PKHD1: variants seen among roughly 807,000 people sequenced by gnomAD.
The protein encoded by PKHD1 is fibrocystin.
Under a neutral mutation model 412.0 loss-of-function variants are expected in PKHD1, and 291 were observed. The observed-to-expected ratio is 0.71, with a 90% confidence interval of 0.64 to 0.78. The LOEUF is 0.78. Among genes scored for constraint, PKHD1 ranks in the 30% least tolerant of loss-of-function variants. PKHD1 has a pLI of 0.00. For missense variants in PKHD1, 4,825 were observed against 4,950.7 expected (o/e 0.97, Z 0.76); for synonymous variants, 1,777 against 1,821.5 (o/e 0.98, Z 0.62).
chr6:52,009,172 G>A (rs1031327069), intron 35 of PKHD1, among the ~76,000 whole-genome samples: 15 of 152,172 alleles, frequency 9.9e-5, no homozygotes, highest in African/African-American at 3.6e-4. Context: ...TGGGGGACAC[G>A]ATGAAGCGAG....
chr6:51,715,633 T>C (rs1162609744), intron 60 of PKHD1, among the ~76,000 whole-genome samples: 1 of 152,190 alleles, frequency 6.6e-6, no homozygotes, highest in South Asian at 2.1e-4. Context: ...CTTTGTCTTT[T>C]TGTATCTTCA....
chr6:51,827,071 T>C (rs1767437034), intron 52 of PKHD1, among the ~76,000 whole-genome samples: 1 of 152,188 alleles, frequency 6.6e-6, no homozygotes, highest in Non-Finnish European at 1.5e-5. Context: ...ATCACTTAAA[T>C]CTTTTTTACC....
chr6:51,917,663 C>T (rs923033719), intron 37 of PKHD1, among the ~76,000 whole-genome samples: 4 of 151,996 alleles, frequency 2.6e-5, no homozygotes, highest in Non-Finnish European at 2.9e-5. Context: ...CCCTAGGCAA[C>T]GACAATGATG....
intron 63 of PKHD1, among the ~76,000 whole-genome samples, chr6:51,642,317 T>C (rs963780575): frequency 6.6e-6 from 1 of 152,058 alleles, no homozygotes; most frequent in Non-Finnish European, 1.5e-5. Flanking sequence ...TGTGGCAAGG[T>C]ACAGAATATA....
At chr6:51,762,855 T>A (rs969148107) in intron 55 of PKHD1, among the ~76,000 whole-genome samples, 1 of 152,062 alleles carries the variant, frequency 6.6e-6, no homozygotes, top group African/African-American at 2.4e-5. Context: ...ACTTGCCAGA[T>A]TTGCTAATGT....
intron 52 of PKHD1, among the ~76,000 whole-genome samples, chr6:51,822,994 A>C (rs1432251769): frequency 6.6e-6 from 1 of 152,188 alleles, no homozygotes; most frequent in African/African-American, 2.4e-5. Context: ...TATACTTGAA[A>C]TCCTGGGGAA....
At chr6:51,804,296 T>C (rs1206812992) in intron 52 of PKHD1, among the ~76,000 whole-genome samples, 4 of 132,766 alleles carry the variant, frequency 3.0e-5, no homozygotes, top group Non-Finnish European at 4.6e-5. Flanking sequence ...TTCTCAGCTG[T>C]GTCCCAAGTC....
At chr6:52,058,052 C>T (rs1277750856) in intron 16 of PKHD1, among the ~76,000 whole-genome samples, 2 of 152,130 alleles carry the variant, frequency 1.3e-5, no homozygotes, top group African/African-American at 2.4e-5. Flanking sequence ...GTTTAGAGGA[C>T]CTTGTCTCTT....
rs185320322 is a variant in PKHD1 at position 51,666,016 on chromosome 6, T to C, written c.10157-6047A>G. Among the ~76,000 whole-genome samples the C allele has an allele frequency of 9.2e-5, 14 of 152,212 alleles. 1 individual carries two copies. Among genetic ancestry groups the C allele is most frequent in the Admixed American group, 2.0e-4 (3 of 15,268 alleles). Reference sequence around the variant, plus strand: ...ACGGTTATCAACAGGAAGTCAAGTATGACGGTGAGTATTGGGGGCTAAGAT... The same window carrying C: ...ACGGTTATCAACAGGAAGTCAAGTACGACGGTGAGTATTGGGGGCTAAGAT... On this transcript the variant is annotated intron_variant, in intron 60 of 66. Coordinates refer to ENST00000371117, the MANE Select transcript of PKHD1 (RefSeq NM_138694.4).
At chr6:51,908,893 G>A (rs1782540893) in intron 40 of PKHD1, among the ~76,000 whole-genome samples, 1 of 152,104 alleles carries the variant, frequency 6.6e-6, no homozygotes, top group Non-Finnish European at 1.5e-5. Flanking sequence ...TTCACCTGTA[G>A]TCACAAAGCT....
intron 36 of PKHD1, among the ~76,000 whole-genome samples, chr6:51,940,783 T>G (rs968814498): frequency 2.6e-5 from 4 of 151,580 alleles, no homozygotes; most frequent in Non-Finnish European, 4.4e-5. Context: ...CATTACCTTC[T>G]TTTCAAGGAC....
At chr6:51,782,092 A>ATAT (rs988874751) in intron 53 of PKHD1, among the ~76,000 whole-genome samples, 1 of 151,806 alleles carries the variant, frequency 6.6e-6, no homozygotes, top group African/African-American at 2.4e-5. Flanking sequence ...TCCTTAAGAA[A>ATAT]TATTATATTA....
intron 35 of PKHD1, among the ~76,000 whole-genome samples, chr6:51,964,264 G>A (rs1792487775): frequency 6.6e-6 from 1 of 152,066 alleles, no homozygotes; most frequent in Admixed American, 6.6e-5. Flanking sequence ...GCAAAGCAAA[G>A]ACCTATTTGT....
chr6:51,667,557 C>T (rs1774046928), intron 60 of PKHD1, among the ~76,000 whole-genome samples: 1 of 151,944 alleles, frequency 6.6e-6, no homozygotes, highest in Non-Finnish European at 1.5e-5. Flanking sequence ...TAATTAGATC[C>T]CATTTGTCCA....
chr6:51,632,308 T>C (rs1439702492), intron 65 of PKHD1, among the ~76,000 whole-genome samples: 1 of 152,148 alleles, frequency 6.6e-6, no homozygotes, highest in Admixed American at 6.6e-5. Flanking sequence ...AATTCCTTTA[T>C]CTGAAGTGCT....
chr6:51,922,945 A>T (rs1784929007), intron 37 of PKHD1, among the ~76,000 whole-genome samples: 1 of 152,180 alleles, frequency 6.6e-6, no homozygotes, highest in Non-Finnish European at 1.5e-5. Flanking sequence ...CATGGGCTGC[A>T]TCCACTGTCC....
chr6:52,078,348 T>G (rs1225615996), intron 5 of PKHD1, among the ~76,000 whole-genome samples: 1 of 152,048 alleles, frequency 6.6e-6, no homozygotes, highest in African/African-American at 2.4e-5. Context: ...CGGGCCCCAG[T>G]GTGGTCAGTA....
intron 61 of PKHD1, 115 bp from the exon 62 acceptor site, chr6:51,649,335 T>C: frequency 6.4e-6 from 5 of 775,766 alleles, no homozygotes; most frequent in South Asian, 2.9e-5. Context: ...CCTGTGTTTC[T>C]AGAAAATAAT....
intron 55 of PKHD1, among the ~76,000 whole-genome samples, chr6:51,771,751 A>T (rs766694903): frequency 2.6e-5 from 4 of 152,008 alleles, no homozygotes; most frequent in Non-Finnish European, 4.4e-5. Flanking sequence ...GTTTAGTTTA[A>T]TCTCTTTATT....
Sources: allele counts gnomAD v4.1 joint callset (sites outside exome capture counted in the v4.1 genomes callset), GRCh38; gene constraint gnomAD v4.1.1; transcripts MANE v1.5; gene names NCBI Gene and HGNC (gene_info 2026-07-23, HGNC 2026-07-21).